The following SLC9A9 variants were observed in gnomAD, a reference collection of about 807,000 sequenced individuals.
SLC9A9 encodes the protein solute carrier family 9 member A9.
Under a neutral mutation model 77.8 loss-of-function variants are expected in SLC9A9, and 62 were observed. That is an observed-to-expected ratio of 0.80 (90% CI 0.65 to 0.98). The LOEUF is 0.98. Ranked by LOEUF, SLC9A9 falls within the 50% of genes least tolerant of loss-of-function variation. SLC9A9 has a pLI of 0.00. For missense variants in SLC9A9, 775 were observed against 774.9 expected, an observed-to-expected ratio of 1.00 and a Z score of 0.00; for synonymous variants, 320 against 283.5, an observed-to-expected ratio of 1.13 and a Z score of -1.29.
At chr3:143,709,619 G>T (rs546834681) in intron 4 of SLC9A9, among the ~76,000 whole-genome samples, 3 of 152,276 alleles carry the variant, frequency 2.0e-5, no homozygotes, top group African/African-American at 7.2e-5. Context: ...AATTAATACA[G>T]GTCCACAGAT....
At chr3:143,552,508 G>T (rs892775012) in intron 8 of SLC9A9, 58 bp from the exon 9 acceptor site, 1 of 1,436,392 alleles carries the variant, frequency 7.0e-7, no homozygotes, top group Non-Finnish European at 9.8e-7. Context: ...CCAAGTCAAA[G>T]GTTAGGGCTA....
At chr3:143,657,264 A>C (rs574163723) in intron 5 of SLC9A9, among the ~76,000 whole-genome samples, 1 of 152,370 alleles carries the variant, frequency 6.6e-6, no homozygotes, top group South Asian at 2.1e-4. Context: ...AGGTCATTCT[A>C]AATTTTAAGT....
chr3:143,547,816 C>A (rs1196709647), intron 9 of SLC9A9, among the ~76,000 whole-genome samples: 1 of 152,210 alleles, frequency 6.6e-6, no homozygotes, highest in African/African-American at 2.4e-5. Flanking sequence ...CTCTTCCCTG[C>A]TTTATTATTG....
chr3:143,791,721 C>T (rs557884392), intron 4 of SLC9A9, among the ~76,000 whole-genome samples: 3 of 152,314 alleles, frequency 2.0e-5, no homozygotes, highest in Admixed American at 6.5e-5. Flanking sequence ...TGAAATTATT[C>T]TCAAAGAGTT....
intron 6 of SLC9A9, among the ~76,000 whole-genome samples, chr3:143,624,178 C>T: frequency 6.6e-6 from 1 of 152,126 alleles, no homozygotes; most frequent in Non-Finnish European, 1.5e-5. Flanking sequence ...CCAAATTCTA[C>T]CAGAGGTACA....
intron 4 of SLC9A9, among the ~76,000 whole-genome samples, chr3:143,771,869 T>C (rs997009385): frequency 2.0e-5 from 3 of 152,016 alleles, no homozygotes; most frequent in African/African-American, 7.3e-5. Flanking sequence ...CACATCTCAT[T>C]CTTGAGGGGA....
chr3:143,476,736 C>G (rs1016369470), intron 11 of SLC9A9, among the ~76,000 whole-genome samples: 1 of 152,132 alleles, frequency 6.6e-6, no homozygotes, highest in African/African-American at 2.4e-5. Flanking sequence ...TTTCTTTTAA[C>G]TGGAGTGATT....
chr3:143,265,315 T>A lies in SLC9A9; in HGVS notation c.*1387A>T, dbSNP rs1201029002. The A allele has an allele frequency of 1.3e-5, 2 of 152,322 alleles. No individual in the cohort carries two copies. Among genetic ancestry groups the A allele is most frequent in the Non-Finnish European group, 2.9e-5 (2 of 68,104 alleles). 9.4% of individuals were successfully genotyped at this position (152,322 alleles called of 1,614,324 possible). On this transcript the variant is annotated 3_prime_UTR_variant, in exon 16 of 16. Transcript: ENST00000316549. ...TTTACCTGAAATGACAAAGTTATAC[T>A]TAGCTTGAGTGTAAAACTTGTGCCC... is the stretch of plus-strand genomic sequence containing the variant.
chr3:143,734,100 G>A (rs1052833193), intron 4 of SLC9A9, among the ~76,000 whole-genome samples: 4 of 152,098 alleles, frequency 2.6e-5, no homozygotes, highest in African/African-American at 9.7e-5. Flanking sequence ...AGGAGGCTGA[G>A]ATGGAAGGAT....
intron 4 of SLC9A9, among the ~76,000 whole-genome samples, chr3:143,741,509 T>G (rs1935071948): frequency 6.6e-6 from 1 of 152,210 alleles, no homozygotes; most frequent in Non-Finnish European, 1.5e-5. Flanking sequence ...GTTTCTTAAA[T>G]GCAGATACTC....
At chr3:143,468,813 ATAT>A (rs1227219147) in intron 11 of SLC9A9, among the ~76,000 whole-genome samples, 1 of 152,188 alleles carries the variant, frequency 6.6e-6, no homozygotes, top group African/African-American at 2.4e-5. Context: ...TTCTTTTGTA[ATAT>A]TATGCTAATT....
chr3:143,477,118 A>G (rs2035490025), intron 11 of SLC9A9, among the ~76,000 whole-genome samples: 2 of 152,156 alleles, frequency 1.3e-5, no homozygotes, highest in Admixed American at 1.3e-4. Context: ...TTCATAAACT[A>G]TATTTTCTAT....
At position 143,548,413 on chromosome 3, in the gene SLC9A9, C is replaced by T. The variant is rs540700796; in HGVS notation, c.1089+3949G>A. ...TCTGGATGGCCCTGGGTGAGACCTC[C>T]GGGCTACACTGCTGTGTGCTGATGT... On this transcript the variant is annotated intron_variant, in intron 9 of 15. Coordinates refer to ENST00000316549, the MANE Select transcript of SLC9A9 (RefSeq NM_173653.4). Among the ~76,000 whole-genome samples, 11 of 152,128 alleles carry T rather than the reference C, an allele frequency of 7.2e-5. No individual in the cohort carries two copies. The East Asian group carries it at 1.4e-3, about 19-fold the overall frequency.
chr3:143,391,994 T>C (rs924112168), intron 12 of SLC9A9, among the ~76,000 whole-genome samples: 1 of 151,758 alleles, frequency 6.6e-6, no homozygotes, highest in Non-Finnish European at 1.5e-5. Context: ...CTGAAAGTGA[T>C]GGGGAGAATG....
At chr3:143,716,410 C>T (rs1576678264) in intron 4 of SLC9A9, among the ~76,000 whole-genome samples, 1 of 151,194 alleles carries the variant, frequency 6.6e-6, no homozygotes, top group East Asian at 1.9e-4. Context: ...TAAGGAAAAT[C>T]ACATACTTAG....
chr3:143,656,215 G>A (rs2038885549), intron 5 of SLC9A9, among the ~76,000 whole-genome samples: 1 of 152,148 alleles, frequency 6.6e-6, no homozygotes, highest in Non-Finnish European at 1.5e-5. Flanking sequence ...GTCAAACATA[G>A]GATAATTCTC....
chr3:143,777,301 C>T (rs2007722562), intron 4 of SLC9A9, among the ~76,000 whole-genome samples: 1 of 152,158 alleles, frequency 6.6e-6, no homozygotes, highest in Non-Finnish European at 1.5e-5. Context: ...AAACCAAATT[C>T]TAAGTATCAA....
intron 4 of SLC9A9, among the ~76,000 whole-genome samples, chr3:143,720,880 C>G (rs888145330): frequency 6.6e-6 from 1 of 152,142 alleles, no homozygotes; most frequent in African/African-American, 2.4e-5. Flanking sequence ...AAAGCTATTG[C>G]CCATGTGTAG....
chr3:143,602,046 G>A (rs1431226885), intron 6 of SLC9A9, among the ~76,000 whole-genome samples: 2 of 151,780 alleles, frequency 1.3e-5, no homozygotes, highest in Non-Finnish European at 2.9e-5. Flanking sequence ...GTCCTTTTTT[G>A]TTTAAATTCT....
Sources: allele counts gnomAD v4.1 joint callset (sites outside exome capture counted in the v4.1 genomes callset), GRCh38; gene constraint gnomAD v4.1.1; transcripts MANE v1.5; gene names NCBI Gene and HGNC (gene_info 2026-07-23, HGNC 2026-07-21).